SLC39A11: variants seen among roughly 807,000 people sequenced by gnomAD.
SLC39A11 encodes solute carrier family 39 member 11, also known as zinc transporter ZIP11.
In SLC39A11, 33 loss-of-function variants were observed where a neutral mutation model predicts 36.1. The observed-to-expected ratio is 0.91, with a 90% confidence interval of 0.69 to 1.22. The LOEUF (loss-of-function observed/expected upper bound fraction) is 1.22, where lower values mean the gene tolerates loss of function less well. SLC39A11 is among the 50% of genes most tolerant of loss of function. The pLI, the probability that SLC39A11 is intolerant of heterozygous loss-of-function variation, is 0.00. For missense variants in SLC39A11, 432 were observed against 430.3 expected (o/e 1.00, Z -0.03); for synonymous variants, 166 against 170.3 (o/e 0.97, Z 0.20).
At chr17:72,860,592 C>G (rs1208966921) in intron 5 of SLC39A11, among the ~76,000 whole-genome samples, 1 of 152,156 alleles carries the variant, frequency 6.6e-6, no homozygotes, top group Non-Finnish European at 1.5e-5. Context: ...AACCAGTCCT[C>G]CCAGCAGGCA....
intron 6 of SLC39A11, among the ~76,000 whole-genome samples, chr17:72,746,245 C>G (rs773509934): frequency 8.5e-5 from 13 of 152,156 alleles, no homozygotes; most frequent in Non-Finnish European, 1.6e-4. Context: ...TAAATACAGG[C>G]TCAGTTCTAG....
chr17:73,018,566 AAAAAT>A (rs1302556368), intron 4 of SLC39A11, among the ~76,000 whole-genome samples: 3 of 152,216 alleles, frequency 2.0e-5, no homozygotes, highest in South Asian at 2.1e-4. Flanking sequence ...ACAATAAAGT[AAAAAT>A]AAAATAAATC....
rs556571685 is a variant in SLC39A11 at position 72,962,227 on chromosome 17, C to T, written c.307-14352G>A. Among the ~76,000 whole-genome samples the T allele has an allele frequency of 1.3e-3, 194 of 152,276 alleles. 1 individual carries two copies. The highest frequency in any genetic ancestry group is 4.6e-3 in the African/African-American group (190 of 41,524). ...CCATGCCTGGATAAGATTGTCACTG[C>T]TGCATGAAGAATTACCACAAGTCCA... On this transcript the variant is annotated intron_variant, in intron 4 of 9. Coordinates refer to ENST00000255559, the MANE Select transcript of SLC39A11 (RefSeq NM_139177.4).
intron 6 of SLC39A11, among the ~76,000 whole-genome samples, chr17:72,804,007 G>C (rs1598804357): frequency 2.0e-5 from 3 of 148,944 alleles, no homozygotes; most frequent in Admixed American, 2.0e-4. Context: ...TTTTTTGGGT[G>C]GGGGCGGGGT....
intron 6 of SLC39A11, among the ~76,000 whole-genome samples, chr17:72,755,893 T>C (rs1024528045): frequency 3.3e-5 from 5 of 152,142 alleles, no homozygotes; most frequent in East Asian, 1.9e-4. Context: ...TGAACTAGGG[T>C]AGCTCTGGAG....
chr17:72,785,164 TA>T (rs1361718418), intron 6 of SLC39A11, among the ~76,000 whole-genome samples: 1 of 152,152 alleles, frequency 6.6e-6, no homozygotes, highest in Non-Finnish European at 1.5e-5. Context: ...CTTTTATTCA[TA>T]AATTACCCAG....
In SLC39A11 at chr17:72,952,474, AC is replaced by A. The variant is rs570307586; in HGVS notation, c.307-4600del. ...GGCTGACATGCCCCGCATATCCCCC[AC>A]CCCCCTGCTGCCATGGAGCCCCATC... is the stretch of plus-strand genomic sequence containing the variant. On this transcript the variant is annotated intron_variant, in intron 4 of 9. Transcript: ENST00000255559. Among the ~76,000 whole-genome samples the A allele has an allele frequency of 4.4e-3, 672 of 151,050 alleles. 2 individuals are homozygous for A. Among genetic ancestry groups the A allele is most frequent in the Non-Finnish European group, 7.3e-3 (497 of 67,740 alleles).
At chr17:72,726,205 G>T (rs1286895693) in intron 7 of SLC39A11, among the ~76,000 whole-genome samples, 9 of 152,218 alleles carry the variant, frequency 5.9e-5, no homozygotes. Flanking sequence ...CAGCTGCATG[G>T]AGGCTTGGAG....
chr17:72,990,761 AACAC>A (rs553115093), intron 4 of SLC39A11, among the ~76,000 whole-genome samples: 142 of 150,978 alleles, frequency 9.4e-4, no homozygotes, highest in African/African-American at 3.3e-3. Context: ...CTCCCCGACC[AACAC>A]ACACACATCT....
intron 5 of SLC39A11, among the ~76,000 whole-genome samples, chr17:72,930,016 C>A (rs2084284513): frequency 6.6e-6 from 1 of 152,170 alleles, no homozygotes; most frequent in African/African-American, 2.4e-5. Flanking sequence ...ACTTCTGTAG[C>A]CCCTTCCTAG....
chr17:72,812,332 G>C (rs1380899445), intron 6 of SLC39A11, among the ~76,000 whole-genome samples: 2 of 152,082 alleles, frequency 1.3e-5, no homozygotes, highest in Admixed American at 6.6e-5. Flanking sequence ...CTGTATCCTA[G>C]ACATTTTGGT....
chr17:72,754,020 G>GTATATATA (rs58028460), intron 6 of SLC39A11, among the ~76,000 whole-genome samples: 19 of 108,352 alleles, frequency 1.8e-4, no homozygotes, highest in African/African-American at 5.7e-4. Context: ...ATGTATATAT[G>GTATATATA]TATATATATA....
intron 4 of SLC39A11, among the ~76,000 whole-genome samples, chr17:73,003,031 G>T (rs1319890006): frequency 2.0e-5 from 3 of 152,048 alleles, no homozygotes; most frequent in Non-Finnish European, 4.4e-5. Context: ...ATCTGTAAAG[G>T]TCCTTCTTTC....
At chr17:73,032,610 T>C (rs78794411) in intron 3 of SLC39A11, among the ~76,000 whole-genome samples, 2,709 of 152,272 alleles carry the variant, frequency 0.018, 82 homozygotes, top group African/African-American at 0.053. Context: ...AGTTCTTTCT[T>C]ATGTTGAGCT....
At chr17:72,717,104 GTGTA>G (rs1337494257) in intron 7 of SLC39A11, among the ~76,000 whole-genome samples, 1 of 139,438 alleles carries the variant, frequency 7.2e-6, no homozygotes, top group Non-Finnish European at 1.5e-5. Flanking sequence ...ATACTTATAT[GTGTA>G]TGTATATATG....
intron 5 of SLC39A11, among the ~76,000 whole-genome samples, chr17:72,879,906 TC>T (rs1567873405): frequency 6.6e-6 from 1 of 152,230 alleles, no homozygotes; most frequent in East Asian, 1.9e-4. Context: ...CAGCTCCCTG[TC>T]CCATGACTTC....
intron 7 of SLC39A11, among the ~76,000 whole-genome samples, chr17:72,687,006 AGTCCTTTTTTTTAAGT>A (rs1325396629): frequency 1.3e-5 from 2 of 152,118 alleles, no homozygotes; most frequent in East Asian, 3.9e-4. Context: ...CTTCAAATAA[AGTCCTTTTTTTTAAGT>A]GTTTTAATTT....
intron 3 of SLC39A11, among the ~76,000 whole-genome samples, chr17:73,035,543 GGATTAAATTAA>G (rs1308555975): frequency 6.6e-6 from 1 of 152,084 alleles, no homozygotes; most frequent in African/African-American, 2.4e-5. Flanking sequence ...TCTGCACATG[GGATTAAATTAA>G]GGACCTGGAG....
chr17:72,891,308 C>A (rs1228655113), intron 5 of SLC39A11, among the ~76,000 whole-genome samples: 1 of 152,162 alleles, frequency 6.6e-6, no homozygotes, highest in African/African-American at 2.4e-5. Context: ...GTAATCCCAG[C>A]TCCTCAGGAG....
Sources: gnomAD v4.1 joint callset for allele counts (sites outside exome capture counted in the v4.1 genomes callset) on GRCh38, gnomAD v4.1.1 for gene constraint, MANE v1.5 for transcripts, NCBI Gene and HGNC (gene_info 2026-07-23, HGNC 2026-07-21) for gene names.